The following NEK10 variants were observed in gnomAD, a reference collection of about 807,000 sequenced individuals.
The protein encoded by NEK10 is NIMA related kinase 10.
In NEK10, 122 loss-of-function variants were observed where a neutral mutation model predicts 159.8. The ratio of observed to expected loss-of-function variants is 0.76; its 90% CI spans 0.66 to 0.89. The LOEUF is 0.89. NEK10 is among the 40% of genes least tolerant of loss of function. The probability of loss-of-function intolerance (pLI) is 0.00; values close to 1 mark genes in which losing one functional copy is unlikely to be tolerated. For missense variants in NEK10, 1,342 were observed against 1,323.1 expected (o/e 1.01, Z -0.22); for synonymous variants, 466 against 457.1 (o/e 1.02, Z -0.25).
intron 23 of NEK10, chr3:27,214,725 T>G (rs1349988092): frequency 5.6e-6 from 4 of 719,964 alleles, no homozygotes; most frequent in African/African-American, 3.5e-5. Flanking sequence ...TTCACGGCAC[T>G]TCAGTATTCC....
At chr3:27,185,319 A>G (rs947630411) in intron 26 of NEK10, among the ~76,000 whole-genome samples, 1 of 152,162 alleles carries the variant, frequency 6.6e-6, no homozygotes, top group Non-Finnish European at 1.5e-5. Context: ...TCACTACATG[A>G]GCATTTACTT....
intron 3 of NEK10, among the ~76,000 whole-genome samples, chr3:27,350,029 G>T (rs1269317919): frequency 6.6e-6 from 1 of 152,146 alleles, no homozygotes; most frequent in Non-Finnish European, 1.5e-5. Context: ...CAGAGGAAGG[G>T]CATTCAGTTC....
intron 25 of NEK10, among the ~76,000 whole-genome samples, chr3:27,193,349 A>G (rs1313162210): frequency 6.6e-6 from 1 of 152,198 alleles, no homozygotes; most frequent in African/African-American, 2.4e-5. Flanking sequence ...TAAACTGCTA[A>G]CCAGAATACT....
intron 11 of NEK10, among the ~76,000 whole-genome samples, chr3:27,306,752 G>A (rs1257757387): frequency 2.0e-5 from 3 of 152,148 alleles, no homozygotes; most frequent in Non-Finnish European, 2.9e-5. Context: ...CTTAGAGCAG[G>A]TCTTGGCATA....
intron 1 of NEK10, among the ~76,000 whole-genome samples, chr3:27,364,308 G>C (rs1367843661): frequency 6.6e-6 from 1 of 150,514 alleles, no homozygotes; most frequent in Non-Finnish European, 1.5e-5. Context: ...AGCCTCCCAA[G>C]TGGCTGGAAT....
intron 5 of NEK10, among the ~76,000 whole-genome samples, chr3:27,327,892 T>G (rs1256622415): frequency 1.3e-5 from 2 of 151,986 alleles, no homozygotes; most frequent in Admixed American, 1.3e-4. Context: ...GTCCAATTTT[T>G]TTGGATAGCT....
chr3:27,297,086 C>A (rs2043408981), intron 14 of NEK10, 93 bp downstream of exon 14: 4 of 724,188 alleles, frequency 5.5e-6, no homozygotes, highest in East Asian at 5.2e-5. Context: ...GATGGGAATC[C>A]CAAAACCTAT....
At chr3:27,116,842 A>T (rs1940520449) in intron 33 of NEK10, among the ~76,000 whole-genome samples, 1 of 151,956 alleles carries the variant, frequency 6.6e-6, no homozygotes, top group East Asian at 1.9e-4. Context: ...GTTCCAGGAT[A>T]CATGAGCAGG....
At position 27,343,825 on chromosome 3, in the gene NEK10, G is replaced by A. The variant is rs1182855242; in HGVS notation, c.362+447C>T. 3.9e-5 allele frequency among the ~76,000 whole-genome samples: 6 copies of A among 152,176 alleles called. No individual in the cohort carries two copies. In the East Asian group the frequency reaches 9.6e-4, roughly 24 times the overall value. On this transcript the variant is annotated intron_variant, in intron 5 of 35. Coordinates refer to ENST00000691995, the MANE Select transcript of NEK10 (RefSeq NM_001394966.1). ...AGAAAGGAATGTTCGATTTGGTCCT[G>A]AAAAGAAACATCTTTATGAGGCTGT...
intron 26 of NEK10, among the ~76,000 whole-genome samples, chr3:27,188,530 G>T (rs1036876057): frequency 1.3e-5 from 2 of 152,106 alleles, no homozygotes; most frequent in African/African-American, 4.8e-5. Flanking sequence ...TATTAAACTA[G>T]TAAAAAGAAA....
At chr3:27,344,754 G>A (rs138205686) in intron 4 of NEK10, among the ~76,000 whole-genome samples, 1 of 152,182 alleles carries the variant, frequency 6.6e-6, no homozygotes, top group Non-Finnish European at 1.5e-5. Flanking sequence ...AACAGGAAGA[G>A]AAGAATTCCC....
intron 30 of NEK10, among the ~76,000 whole-genome samples, chr3:27,156,953 T>C (rs1406311966): frequency 1.7e-5 from 2 of 120,260 alleles, no homozygotes; most frequent in African/African-American, 5.9e-5. Flanking sequence ...TATATATATA[T>C]ATATATATAT....
chr3:27,367,998 A>G (rs1365358904), intron 1 of NEK10, among the ~76,000 whole-genome samples: 11 of 152,176 alleles, frequency 7.2e-5, no homozygotes, highest in Admixed American at 7.2e-4. Context: ...GTGCGTTTTA[A>G]AAAGATCAGT....
intron 22 of NEK10, among the ~76,000 whole-genome samples, chr3:27,268,842 T>C (rs754734475): frequency 6.6e-6 from 1 of 152,224 alleles, no homozygotes; most frequent in Non-Finnish European, 1.5e-5. Context: ...CTAATGGATC[T>C]GGGCAACGTT....
intron 1 of NEK10, among the ~76,000 whole-genome samples, chr3:27,365,606 T>G (rs112107718): frequency 0.071 from 7,671 of 108,732 alleles, 700 homozygotes; most frequent in African/African-American, 0.24. Context: ...TGTTTTTTTT[T>G]TGTGTTTTTT....
At chr3:27,175,209 C>A (rs914049708) in intron 26 of NEK10, among the ~76,000 whole-genome samples, 60 of 152,230 alleles carry the variant, frequency 3.9e-4, no homozygotes, top group African/African-American at 1.3e-3. Flanking sequence ...AGTACCACAG[C>A]AAATAAGTAA....
chr3:27,344,400 G>T, intron 4 of NEK10, 30 bp from the exon 5 acceptor site: 1 of 1,171,642 alleles, frequency 8.5e-7, no homozygotes, highest in Non-Finnish European at 1.3e-6. Flanking sequence ...AAAGGATTTT[G>T]TAATAGAGAT....
At chr3:27,214,033 C>T (rs2149110578) in intron 23 of NEK10, among the ~76,000 whole-genome samples, 1 of 152,294 alleles carries the variant, frequency 6.6e-6, no homozygotes, top group South Asian at 2.1e-4. Context: ...ATGATAAGAA[C>T]CTTGGTCTCC....
chr3:27,123,808 C>T (rs934462108), intron 32 of NEK10, among the ~76,000 whole-genome samples: 9 of 151,484 alleles, frequency 5.9e-5, no homozygotes, highest in African/African-American at 1.5e-4. Flanking sequence ...GTAGATGGGG[C>T]GAGAAGAACA....
Sources: gnomAD v4.1 joint callset for allele counts (sites outside exome capture counted in the v4.1 genomes callset) on GRCh38, gnomAD v4.1.1 for gene constraint, MANE v1.5 for transcripts, NCBI Gene and HGNC (gene_info 2026-07-23, HGNC 2026-07-21) for gene names.